SLIT3: variants seen among roughly 807,000 people sequenced by gnomAD.
The protein encoded by SLIT3 is slit guidance ligand 3.
Under a neutral mutation model 184.0 loss-of-function variants are expected in SLIT3, and 68 were observed. That is an observed-to-expected ratio of 0.37 (90% confidence interval 0.30 to 0.45). The LOEUF (loss-of-function observed/expected upper bound fraction) is 0.45, where lower values mean the gene tolerates loss of function less well. SLIT3 is among the 20% of genes least tolerant of loss of function. The pLI is 1.00. For synonymous variants in SLIT3, 831 were observed against 828.6 expected, an observed-to-expected ratio of 1.00 and a Z score of -0.05; for missense variants, 1,707 against 2,026.0, an observed-to-expected ratio of 0.84 and a Z score of 3.02.
intron 3 of SLIT3, among the ~76,000 whole-genome samples, chr5:169,212,278 C>T (rs573359001): frequency 1.3e-5 from 2 of 152,164 alleles, no homozygotes; most frequent in Admixed American, 6.5e-5. Context: ...CTCTCCAGCA[C>T]CTGTTGTTTC....
chr5:168,788,995 C>A lies in SLIT3; in HGVS notation c.1079+565G>T, dbSNP rs527794801. ...AGGACATTCTATACCTTCCTGCCGG[C>A]AGGGGTCTTGGAACCCCTGGTGGGT... On this transcript the variant is annotated intron_variant, in intron 11 of 35. Transcript: ENST00000519560. 9.3e-4 allele frequency among the ~76,000 whole-genome samples: 141 copies of A among 152,168 alleles called. 1 individual carries two copies. Among genetic ancestry groups the A allele is most frequent in the African/African-American group, 3.3e-3 (135 of 41,500 alleles).
At chr5:169,055,345 CA>C (rs1477385849) in intron 4 of SLIT3, among the ~76,000 whole-genome samples, 1 of 152,178 alleles carries the variant, frequency 6.6e-6, no homozygotes, top group Non-Finnish European at 1.5e-5. Context: ...AGTAATACAA[CA>C]GAGAATGACT....
chr5:168,831,640 C>T (rs554441184), intron 6 of SLIT3, among the ~76,000 whole-genome samples: 5 of 152,210 alleles, frequency 3.3e-5, no homozygotes, highest in East Asian at 3.9e-4. Context: ...TATTTGTACC[C>T]GACTCTAAAG....
intron 4 of SLIT3, among the ~76,000 whole-genome samples, chr5:169,115,671 C>T (rs896000369): frequency 3.3e-5 from 5 of 152,186 alleles, no homozygotes; most frequent in African/African-American, 9.7e-5. Context: ...GATAATCATA[C>T]ACTGAGCACT....
At chr5:169,281,387 A>G (rs1040467428) in intron 1 of SLIT3, among the ~76,000 whole-genome samples, 1 of 152,160 alleles carries the variant, frequency 6.6e-6, no homozygotes, top group Admixed American at 6.5e-5. Flanking sequence ...GAGGCAGAAG[A>G]ATCACTTGAA....
chr5:168,835,721 G>A (rs567824486), intron 6 of SLIT3, among the ~76,000 whole-genome samples: 1 of 151,740 alleles, frequency 6.6e-6, no homozygotes, highest in East Asian at 1.9e-4. Context: ...TGAGACAAGA[G>A]AGTTGCTTGA....
intron 4 of SLIT3, chr5:169,018,291 C>G (rs1359815801): frequency 6.6e-6 from 1 of 152,226 alleles, no homozygotes; most frequent in Non-Finnish European, 1.5e-5. Flanking sequence ...TGAACCAAAG[C>G]CGGCGCAAGC....
intron 4 of SLIT3, among the ~76,000 whole-genome samples, chr5:169,171,347 G>A (rs1286376742): frequency 6.6e-6 from 1 of 152,204 alleles, no homozygotes; most frequent in Non-Finnish European, 1.5e-5. Context: ...GGAAAAAAAG[G>A]CAAGGTATCC....
At chr5:169,082,857 A>G (rs1008337379) in intron 4 of SLIT3, among the ~76,000 whole-genome samples, 5 of 152,224 alleles carry the variant, frequency 3.3e-5, no homozygotes, top group African/African-American at 1.2e-4. Flanking sequence ...GGCTAAATTT[A>G]TCTCTGCTCC....
At chr5:169,245,040 A>G (rs1235434730) in intron 2 of SLIT3, among the ~76,000 whole-genome samples, 1 of 152,122 alleles carries the variant, frequency 6.6e-6, no homozygotes, top group African/African-American at 2.4e-5. Context: ...ATGTCCCCCC[A>G]AGCACTGCAG....
intron 4 of SLIT3, among the ~76,000 whole-genome samples, chr5:169,067,479 A>G (rs528459174): frequency 2.0e-5 from 3 of 152,232 alleles, no homozygotes; most frequent in African/African-American, 7.2e-5. Context: ...TCCTGGGACA[A>G]TCCATCCATC....
intron 4 of SLIT3, among the ~76,000 whole-genome samples, chr5:169,190,235 ACAGGAACATTGAC>A (rs1368070044): frequency 6.6e-6 from 1 of 152,216 alleles, no homozygotes; most frequent in Non-Finnish European, 1.5e-5. Flanking sequence ...GTTCTTTCTG[ACAGGAACATTGAC>A]CAAGGCCCTC....
At position 169,020,950 on chromosome 5, in the gene SLIT3, C is replaced by T. The variant is rs74775054; in HGVS notation, c.414-137614G>A. Among the ~76,000 whole-genome samples the T allele has an allele frequency of 7.1e-3, 1,080 of 152,220 alleles. 16 individuals are homozygous for T. The highest frequency in any genetic ancestry group is 0.024 in the African/African-American group (995 of 41,520). Reference sequence around the variant, plus strand: ...AGGAAATCATTATTTCCAGGGGAGACGGAACAGTGAAGTGTCAGGGTTAGA... The same window carrying T: ...AGGAAATCATTATTTCCAGGGGAGATGGAACAGTGAAGTGTCAGGGTTAGA... On this transcript the variant is annotated intron_variant, in intron 4 of 35. Coordinates refer to ENST00000519560, the MANE Select transcript of SLIT3 (RefSeq NM_003062.4).
chr5:168,806,549 T>C lies in SLIT3; in HGVS notation c.832A>G (p.Ile278Val), dbSNP rs188347714. The change falls in exon 9 of 36, where the codon ATC becomes GTC. Residue 278 changes from isoleucine (I) to valine (V), a missense_variant. By Grantham distance (29) the Ile-to-Val change is conservative (BLOSUM62 3). Transcript: ENST00000519560. ...CACGTGCAGGGCGAAGGGCAGGAGA[T>C]GGAGTTGGCATTGCAGGATGGGGGC... is the stretch of plus-strand genomic sequence containing the variant. ...SEPPSCNANS[I>V]SCPSPCTCSN... is the part of the protein sequence containing the mutation. 3.1e-6 allele frequency: 5 copies of C among 1,614,140 alleles called. No individual in the cohort carries two copies. In the African/African-American group the frequency reaches 4.0e-5, roughly 13 times the overall value.
chr5:168,747,388 G>T (rs1001939997), intron 20 of SLIT3, among the ~76,000 whole-genome samples: 1 of 152,186 alleles, frequency 6.6e-6, no homozygotes, highest in Non-Finnish European at 1.5e-5. Flanking sequence ...CACCCATTTT[G>T]CTCGCCATTG....
intron 6 of SLIT3, among the ~76,000 whole-genome samples, chr5:168,824,485 G>T (rs561056593): frequency 2.0e-5 from 3 of 152,216 alleles, no homozygotes; most frequent in Non-Finnish European, 4.4e-5. Context: ...TATTATGGAA[G>T]CCTAGGGAAA....
At chr5:168,851,474 A>T (rs1758678249) in intron 5 of SLIT3, among the ~76,000 whole-genome samples, 1 of 152,098 alleles carries the variant, frequency 6.6e-6, no homozygotes, top group Non-Finnish European at 1.5e-5. Flanking sequence ...TCAAACGAAA[A>T]CACCTCATAT....
intron 4 of SLIT3, among the ~76,000 whole-genome samples, chr5:168,923,249 C>T (rs1761700993): frequency 6.6e-6 from 1 of 152,150 alleles, no homozygotes. Context: ...AGCCCCAGAA[C>T]ATCCTACGAG....
intron 4 of SLIT3, among the ~76,000 whole-genome samples, chr5:169,085,464 A>T (rs767404577): frequency 2.6e-4 from 40 of 152,178 alleles, no homozygotes; most frequent in Admixed American, 4.6e-4. Context: ...GGGGCGTGGG[A>T]GGGGTTTTTT....
Sources: gnomAD v4.1 joint callset for allele counts (sites outside exome capture counted in the v4.1 genomes callset) on GRCh38, gnomAD v4.1.1 for gene constraint, MANE v1.5 for transcripts, NCBI Gene and HGNC (gene_info 2026-07-23, HGNC 2026-07-21) for gene names.